Variants in ARHGEF28 observed in about 807,000 individuals in gnomAD.
The protein encoded by ARHGEF28 is 190 kDa guanine nucleotide exchange factor.
A neutral mutation model predicts 206.6 loss-of-function variants in ARHGEF28; 152 were observed. The observed-to-expected ratio is 0.74, with a 90% confidence interval of 0.64 to 0.84. ARHGEF28 has a LOEUF of 0.84. Among genes scored for constraint, ARHGEF28 ranks in the 40% least tolerant of loss-of-function variants. The pLI is 0.00. For synonymous variants in ARHGEF28, 763 were observed against 776.4 expected, an observed-to-expected ratio of 0.98 and a Z score of 0.29; for missense variants, 2,028 against 2,073.2, an observed-to-expected ratio of 0.98 and a Z score of 0.42.
chr5:73,821,588 A>G (rs1469774773), intron 9 of ARHGEF28, among the ~76,000 whole-genome samples: 3 of 152,002 alleles, frequency 2.0e-5, no homozygotes, highest in African/African-American at 7.3e-5. Context: ...TAGTTTGTTT[A>G]TATTTTTGGA....
intron 1 of ARHGEF28, among the ~76,000 whole-genome samples, chr5:73,641,279 C>T (rs1744074309): frequency 2.0e-5 from 3 of 152,148 alleles, no homozygotes; most frequent in Non-Finnish European, 2.9e-5. Flanking sequence ...CTTCCTCTTC[C>T]ATGAGGAAAG....
At chr5:73,627,094 C>T (rs576369865) in intron 1 of ARHGEF28, 3 of 152,172 alleles carry the variant, frequency 2.0e-5, no homozygotes, top group African/African-American at 7.2e-5. Context: ...AGTTAGATTT[C>T]TAAGAAAGAA....
chr5:73,786,269 A>G (rs960672681), intron 7 of ARHGEF28: 15 of 152,180 alleles, frequency 9.9e-5, no homozygotes, highest in African/African-American at 3.6e-4. Context: ...AGTCAATCCT[A>G]CGCACTTTAT....
chr5:73,874,667 T>C (rs1240971432), intron 22 of ARHGEF28, among the ~76,000 whole-genome samples: 2 of 149,154 alleles, frequency 1.3e-5, no homozygotes, highest in East Asian at 4.0e-4. Flanking sequence ...GAACATGCGG[T>C]GTTTGGTTTT....
At chr5:73,733,761 C>T (rs541350134) in intron 2 of ARHGEF28, among the ~76,000 whole-genome samples, 3 of 151,782 alleles carry the variant, frequency 2.0e-5, no homozygotes, top group Non-Finnish European at 4.4e-5. Context: ...TGAGATGAGG[C>T]GTGAAAAAGA....
At chr5:73,724,056 G>C (rs1417388550) in intron 2 of ARHGEF28, among the ~76,000 whole-genome samples, 2 of 152,222 alleles carry the variant, frequency 1.3e-5, no homozygotes, top group African/African-American at 4.8e-5. Flanking sequence ...GGGCATCCCA[G>C]GCAGGCCTGA....
At chr5:73,733,247 A>G (rs1014613522) in intron 2 of ARHGEF28, among the ~76,000 whole-genome samples, 8 of 152,246 alleles carry the variant, frequency 5.3e-5, no homozygotes, top group African/African-American at 1.9e-4. Context: ...ATGAAAAATA[A>G]AAAGACTAAA....
rs1254112879 is a variant in ARHGEF28, at chr5:73,776,530, G to A, written c.674G>A (p.Trp225Ter). 5.6e-6 allele frequency: 9 copies of A among 1,609,774 alleles called. No homozygotes were observed. The highest frequency in any genetic ancestry group is 1.3e-5 in the African/African-American group (1 of 74,842). The change falls in exon 6 of 36, where the codon TGG (tryptophan) becomes TAG (stop). Residue 225 changes from tryptophan (W) to a stop codon, truncating the protein, a stop_gained. Transcript: ENST00000513042. LOFTEE classifies it high-confidence loss of function. ...VEDVTNFQGR[W>*]SPSFSRVQLS... ...TGTTGTTTCAGTTTTCAGGGCAGAT[G>A]GTCCCCAAGCTTCTCCCGAGTGCAG...
At chr5:73,933,136 T>G (rs1171673443) in intron 35 of ARHGEF28, among the ~76,000 whole-genome samples, 1 of 149,888 alleles carries the variant, frequency 6.7e-6, no homozygotes, top group Non-Finnish European at 1.5e-5. Flanking sequence ...CATATTACTT[T>G]TTAAGCTTTA....
chr5:73,826,121 G>T (rs1756890901), intron 9 of ARHGEF28, among the ~76,000 whole-genome samples: 4 of 152,156 alleles, frequency 2.6e-5, no homozygotes, highest in Non-Finnish European at 5.9e-5. Context: ...AACCTAGAGA[G>T]CCTGGTGTCC....
At chr5:73,753,263 A>G in intron 4 of ARHGEF28, 61 bp downstream of exon 4, 2 of 1,472,042 alleles carry the variant, frequency 1.4e-6, no homozygotes, top group Non-Finnish European at 1.8e-6. Context: ...AATGTACCTT[A>G]TGCTATACTG....
In ARHGEF28 at chr5:73,901,227, G is replaced by A. The variant is rs1392148650; in HGVS notation, c.4017G>A (p.Val1339=). ...GGREGRGCSD[V]DPGIQGVVTD... is the part of the protein sequence containing the mutation. ...GAGAAGGAAGAGGCTGTTCGGATGT[G>A]GATCCCGGGATCCAGGGTGTGGTAA... The change falls in exon 31 of 36, where the codon GTG becomes GTA. Residue 1339 remains valine (V), a synonymous_variant. Transcript: ENST00000513042. The A allele has an allele frequency of 6.2e-7, 1 of 1,613,402 alleles. No homozygotes were observed. The highest frequency in any genetic ancestry group is 8.5e-7 in the Non-Finnish European group (1 of 1,179,656).
Position 73,846,359 on chromosome 5 carries a change from T to C in ARHGEF28, c.1519T>C (p.Ser507Pro). The change falls in exon 12 of 36, where the codon TCA (serine) becomes CCA (proline). Residue 507 changes from serine to proline, a missense_variant. By Grantham distance (74) the Ser-to-Pro change is moderately conservative. This residue lies in a region of ARHGEF28 where 1,002 missense variants were observed against 1,015.3 expected (regional missense o/e 0.99). Transcript: ENST00000513042. ...ICYTPGSQSS[S>P]RTGIPSGDEL... ...TTACACTCCAGGGTCTCAGAGCTCC[T>C]CAAGAACTGGGATTCCTAGTGGGGA... 6.2e-7 allele frequency: 1 copy of C among 1,613,932 alleles called. No individual in the cohort carries two copies. Among genetic ancestry groups the C allele is most frequent in the Non-Finnish European group, 8.5e-7 (1 of 1,179,838 alleles).
intron 35 of ARHGEF28, among the ~76,000 whole-genome samples, chr5:73,930,806 A>G (rs1363399533): frequency 6.6e-6 from 1 of 152,118 alleles, no homozygotes; most frequent in African/African-American, 2.4e-5. Flanking sequence ...TATAGTCAAC[A>G]TCTATCCGCT....
chr5:73,823,123 C>A (rs1171154869), intron 9 of ARHGEF28, among the ~76,000 whole-genome samples: 1 of 152,188 alleles, frequency 6.6e-6, no homozygotes, highest in Non-Finnish European at 1.5e-5. Flanking sequence ...CTGGTTCAAC[C>A]ACTTAATAAC....
chr5:73,663,198 C>G (rs544102366), intron 1 of ARHGEF28, among the ~76,000 whole-genome samples: 1 of 152,252 alleles, frequency 6.6e-6, no homozygotes, highest in South Asian at 2.1e-4. Context: ...TCAGATGATC[C>G]GCCCACCTCG....
intron 9 of ARHGEF28, among the ~76,000 whole-genome samples, chr5:73,827,083 C>T (rs1223644347): frequency 6.6e-6 from 1 of 152,196 alleles, no homozygotes; most frequent in Non-Finnish European, 1.5e-5. Flanking sequence ...CAGTTATAAT[C>T]CCTCCCATTT....
At chr5:73,832,730 G>A (rs1015795223) in intron 10 of ARHGEF28, among the ~76,000 whole-genome samples, 4 of 151,938 alleles carry the variant, frequency 2.6e-5, no homozygotes, top group East Asian at 1.9e-4. Context: ...GCTCTTCTTC[G>A]GGGCCCAAGT....
intron 35 of ARHGEF28, among the ~76,000 whole-genome samples, chr5:73,913,958 G>A (rs1763062662): frequency 6.6e-6 from 1 of 152,184 alleles, no homozygotes; most frequent in Non-Finnish European, 1.5e-5. Context: ...GATCAGCTCA[G>A]ATCAGTGAAA....
Sources: allele counts gnomAD v4.1 joint callset (sites outside exome capture counted in the v4.1 genomes callset), GRCh38; gene constraint gnomAD v4.1.1; regional missense constraint gnomAD v4.1.1; transcripts MANE v1.5; gene names NCBI Gene and HGNC (gene_info 2026-07-23, HGNC 2026-07-21).